Variants in CD33 observed in about 807,000 individuals in gnomAD.
CD33 encodes CD33 molecule.
A neutral mutation model predicts 31.4 loss-of-function variants in CD33; 25 were observed. The observed-to-expected ratio is 0.80, with a 90% CI of 0.58 to 1.11. The LOEUF (loss-of-function observed/expected upper bound fraction) is 1.11, where lower values mean the gene tolerates loss of function less well. Among genes scored for constraint, CD33 ranks in the 50% most tolerant of loss-of-function variants. The pLI, the probability that CD33 is intolerant of heterozygous loss-of-function variation, is 0.00. For missense variants in CD33, 407 were observed against 448.1 expected, an observed-to-expected ratio of 0.91 and a Z score of 0.83; for synonymous variants, 176 against 180.6, an observed-to-expected ratio of 0.97 and a Z score of 0.20.
chr19:51,237,580 G>C (rs980609249), intron 6 of CD33: 11 of 152,482 alleles, frequency 7.2e-5, no homozygotes, highest in African/African-American at 1.4e-4. Flanking sequence ...ATGGCTCTGA[G>C]GCCGGAACAC....
intron 4 of CD33, among the ~76,000 whole-genome samples, chr19:51,232,911 G>T (rs1013248640): frequency 6.6e-6 from 1 of 152,240 alleles, no homozygotes; most frequent in African/African-American, 2.4e-5. Context: ...ATGACTCTTG[G>T]CTGGCCTAGG....
At chr19:51,222,736 T>C (rs1312942812), upstream of CD33, among the ~76,000 whole-genome samples, 1 of 152,208 alleles carries the variant, frequency 6.6e-6, no homozygotes, top group Non-Finnish European at 1.5e-5. Context: ...AAATGCTGTA[T>C]ATCTGCAGTG....
chr19:51,230,029 G>GTT (rs765422167), intron 4 of CD33, among the ~76,000 whole-genome samples: 15 of 151,676 alleles, frequency 9.9e-5, no homozygotes, highest in Admixed American at 2.6e-4. Context: ...TCTTAAAACT[G>GTT]TTTTTGCTGT....
At chr19:51,234,052 G>GT (rs1981610238) in intron 4 of CD33, among the ~76,000 whole-genome samples, 2 of 152,018 alleles carry the variant, frequency 1.3e-5, no homozygotes, top group South Asian at 4.1e-4. Flanking sequence ...TTTTTAATAG[G>GT]TTTTATTTTT....
chr19:51,217,245 A>C, the CD33 span, among the ~76,000 whole-genome samples: 1 of 152,026 alleles, frequency 6.6e-6, no homozygotes, highest in Non-Finnish European at 1.5e-5. Flanking sequence ...TGGAGTGAGG[A>C]TGTGTTTTTG....
upstream of CD33, among the ~76,000 whole-genome samples, chr19:51,222,889 C>G (rs540498959): frequency 6.6e-6 from 1 of 152,276 alleles, no homozygotes; most frequent in South Asian, 2.1e-4. Flanking sequence ...ATTTGATCTT[C>G]TGGTCCATGA....
chr19:51,230,169 T>C (rs550054714), intron 4 of CD33, among the ~76,000 whole-genome samples: 1 of 42 alleles, frequency 0.024, no homozygotes, highest in Admixed American at 0.5. Context: ...TGTATTTGTA[T>C]AGTTTGCATG....
intron 4 of CD33, among the ~76,000 whole-genome samples, chr19:51,233,262 G>A (rs1786889635): frequency 1.3e-5 from 2 of 152,184 alleles, no homozygotes; most frequent in South Asian, 4.1e-4. Flanking sequence ...TGGCTCAGAG[G>A]TCTCTCCCAT....
intron 5 of CD33, 102 bp from the exon 6 acceptor site, chr19:51,235,493 T>A: frequency 6.8e-7 from 1 of 1,479,882 alleles, no homozygotes; most frequent in Non-Finnish European, 9.0e-7. Flanking sequence ...GCTCCTGGAT[T>A]AATCCCACCC....
chr19:51,223,669 A>T (rs918974181), upstream of CD33, among the ~76,000 whole-genome samples: 31 of 152,218 alleles, frequency 2.0e-4, no homozygotes, highest in Admixed American at 1.8e-3. Flanking sequence ...AAATGGCAGC[A>T]TGAATGGAAA....
intron 4 of CD33, among the ~76,000 whole-genome samples, chr19:51,233,100 C>T (rs1232371657): frequency 6.6e-6 from 1 of 152,198 alleles, no homozygotes; most frequent in African/African-American, 2.4e-5. Flanking sequence ...GCTCACAAGG[C>T]TGTTTCTCAG....
chr19:51,221,099 G>C (rs1195925011), upstream of CD33, among the ~76,000 whole-genome samples: 1 of 152,116 alleles, frequency 6.6e-6, no homozygotes, highest in South Asian at 2.1e-4. Context: ...CTTAAAAATG[G>C]ACAGAGGGTG....
In CD33 at chr19:51,225,327, C is replaced by G. The variant is rs1282988095; in HGVS notation, c.147C>G (p.Tyr49Ter). 6.2e-7 allele frequency: 1 copy of G among 1,614,182 alleles called. No individual in the cohort carries two copies. The highest frequency in any genetic ancestry group is 1.3e-5 in the African/African-American group (1 of 75,054). ...VPCTFFHPIP[Y>*]YDKNSPVHGY... ...GCACTTTCTTCCATCCCATACCCTACTACGACAAGAACTCCCCAGTTCATG... is the reference window on the plus strand; with the variant it reads ...GCACTTTCTTCCATCCCATACCCTAGTACGACAAGAACTCCCCAGTTCATG... Residue 49 changes from tyrosine to a stop codon, truncating the protein, a stop_gained, in exon 2 of 7, where the codon TAC becomes TAG. Transcript: ENST00000262262. LOFTEE classifies it high-confidence loss of function.
intron 4 of CD33, among the ~76,000 whole-genome samples, chr19:51,228,937 T>C (rs922539750): frequency 1.3e-5 from 2 of 152,242 alleles, no homozygotes; most frequent in Non-Finnish European, 2.9e-5. Context: ...TTCAGTACTA[T>C]GTAAAATAAG....
At chr19:51,217,556 C>T in the CD33 span, among the ~76,000 whole-genome samples, 2 of 151,978 alleles carry the variant, frequency 1.3e-5, no homozygotes, top group Non-Finnish European at 1.5e-5. Flanking sequence ...ATTACAGGCG[C>T]TTGCCACCAC....
upstream of CD33, among the ~76,000 whole-genome samples, chr19:51,223,159 G>A (rs1017437348): frequency 6.6e-6 from 1 of 152,086 alleles, no homozygotes; most frequent in African/African-American, 2.4e-5. Context: ...GGTCAAGGCT[G>A]CAGTGAACTG....
At chr19:51,239,426 C>T in intron 6 of CD33, 92 bp from the exon 7 acceptor site, 1 of 881,744 alleles carries the variant, frequency 1.1e-6, no homozygotes, top group Non-Finnish European at 1.7e-6. Flanking sequence ...AATGTTCTGT[C>T]AGAGTCAAAT....
the CD33 span, among the ~76,000 whole-genome samples, chr19:51,217,121 T>G: frequency 8.5e-5 from 13 of 152,144 alleles, no homozygotes; most frequent in Non-Finnish European, 1.8e-4. Context: ...CTGGATCCCT[T>G]GGCTCCCTGG....
At chr19:51,211,986 G>T in the CD33 span, 1 of 1,163,810 alleles carries the variant, frequency 8.6e-7, no homozygotes, top group Non-Finnish European at 1.3e-6. Flanking sequence ...ATGGCCCCAG[G>T]ACCACGGCAC....
Sources: gnomAD v4.1 joint callset for allele counts (sites outside exome capture counted in the v4.1 genomes callset) on GRCh38, gnomAD v4.1.1 for gene constraint, MANE v1.5 for transcripts, NCBI Gene and HGNC (gene_info 2026-07-23, HGNC 2026-07-21) for gene names.